CNTNAP5: variants seen among roughly 807,000 people sequenced by gnomAD.
CNTNAP5 encodes contactin-associated protein-like 5.
Under a neutral mutation model 150.2 loss-of-function variants are expected in CNTNAP5, and 72 were observed. That is an observed-to-expected ratio of 0.48 (90% CI 0.40 to 0.58). CNTNAP5 has a LOEUF of 0.58. Ranked by LOEUF, CNTNAP5 falls within the 20% of genes least tolerant of loss-of-function variation. The probability of loss-of-function intolerance (pLI) is 0.00; values close to 1 mark genes in which losing one functional copy is unlikely to be tolerated. For synonymous variants in CNTNAP5, 672 were observed against 619.8 expected, an observed-to-expected ratio of 1.08 and a Z score of -1.25; for missense variants, 1,636 against 1,626.2, an observed-to-expected ratio of 1.01 and a Z score of -0.10.
At chr2:124,733,265 G>T (rs1351466182) in intron 13 of CNTNAP5, among the ~76,000 whole-genome samples, 1 of 151,964 alleles carries the variant, frequency 6.6e-6, no homozygotes, top group Non-Finnish European at 1.5e-5. Flanking sequence ...TAAAGAAATT[G>T]CAATTTGTTA....
At chr2:124,706,837 G>GA (rs1558743105) in intron 13 of CNTNAP5, among the ~76,000 whole-genome samples, 5 of 7,404 alleles carry the variant, frequency 6.8e-4, no homozygotes, top group Non-Finnish European at 1.5e-3. Context: ...AGAGGAGGAG[G>GA]GGGAGGAAGG....
intron 8 of CNTNAP5, among the ~76,000 whole-genome samples, chr2:124,512,623 G>A (rs1694618303): frequency 6.6e-6 from 1 of 152,142 alleles, no homozygotes; most frequent in South Asian, 2.1e-4. Flanking sequence ...CTAGGAGCAA[G>A]CAATAGTGTT....
chr2:124,490,256 C>A (rs1693986943), intron 7 of CNTNAP5, among the ~76,000 whole-genome samples: 1 of 151,394 alleles, frequency 6.6e-6, no homozygotes, highest in East Asian at 2.0e-4. Flanking sequence ...ATTGCTTGAA[C>A]CAGGGAGGTG....
At chr2:124,257,913 A>G (rs1463765319) in intron 3 of CNTNAP5, among the ~76,000 whole-genome samples, 1 of 152,068 alleles carries the variant, frequency 6.6e-6, no homozygotes, top group East Asian at 1.9e-4. Flanking sequence ...CAGTGATAAA[A>G]CCGAAATGTT....
chr2:124,184,696 C>A (rs1273984912), intron 1 of CNTNAP5, among the ~76,000 whole-genome samples: 3 of 152,144 alleles, frequency 2.0e-5, no homozygotes, highest in Non-Finnish European at 2.9e-5. Flanking sequence ...TGCTAAAGTG[C>A]AGGATGTGGA....
At chr2:124,911,670 GC>G in intron 23 of CNTNAP5, 132 bp downstream of exon 23, 1 of 710,610 alleles carries the variant, frequency 1.4e-6, no homozygotes, top group Non-Finnish European at 2.5e-6. Context: ...AAGACTGTGG[GC>G]TTTTCATGAG....
chr2:124,071,933 G>T (rs2104665221), intron 1 of CNTNAP5, among the ~76,000 whole-genome samples: 1 of 151,938 alleles, frequency 6.6e-6, no homozygotes, highest in South Asian at 2.1e-4. Flanking sequence ...CATCAAAAAA[G>T]AAAACTACAG....
chr2:124,257,201 G>A (rs1281815916), intron 3 of CNTNAP5, among the ~76,000 whole-genome samples: 1 of 152,168 alleles, frequency 6.6e-6, no homozygotes, highest in Non-Finnish European at 1.5e-5. Context: ...ATTTTCTTTT[G>A]CAAATCCCCC....
At chr2:124,530,404 G>T (rs1323275175) in intron 10 of CNTNAP5, among the ~76,000 whole-genome samples, 1 of 152,174 alleles carries the variant, frequency 6.6e-6, no homozygotes, top group Admixed American at 6.5e-5. Context: ...TCCCTCCGGT[G>T]GAGGTCCTTT....
intron 11 of CNTNAP5, among the ~76,000 whole-genome samples, chr2:124,594,864 G>A (rs1375196979): frequency 9.8e-6 from 1 of 102,102 alleles, no homozygotes; most frequent in Non-Finnish European, 2.0e-5. Context: ...TCCCTTGTAA[G>A]TTGGATTCCT....
intron 1 of CNTNAP5, among the ~76,000 whole-genome samples, chr2:124,072,962 AC>A (rs1326009864): frequency 6.6e-6 from 1 of 152,124 alleles, no homozygotes; most frequent in African/African-American, 2.4e-5. Context: ...AAATAATACT[AC>A]AGAACTATAG....
At chr2:124,276,706 T>C (rs546386289) in intron 3 of CNTNAP5, among the ~76,000 whole-genome samples, 106 of 152,292 alleles carry the variant, frequency 7.0e-4, no homozygotes, top group African/African-American at 2.3e-3. Context: ...TATCATTCTC[T>C]GGGCTGGTCA....
At chr2:124,649,481 C>T (rs749692411) in intron 13 of CNTNAP5, among the ~76,000 whole-genome samples, 6 of 152,124 alleles carry the variant, frequency 3.9e-5, no homozygotes, top group African/African-American at 7.2e-5. Flanking sequence ...GGACTAATGG[C>T]GGGGCATGTT....
At chr2:124,155,925 C>T (rs902412934) in intron 1 of CNTNAP5, among the ~76,000 whole-genome samples, 23 of 152,244 alleles carry the variant, frequency 1.5e-4, no homozygotes, top group Non-Finnish European at 2.5e-4. Context: ...AGTTGAGCCT[C>T]TTCTGGACAA....
intron 10 of CNTNAP5, among the ~76,000 whole-genome samples, chr2:124,533,252 A>G (rs895972290): frequency 3.3e-5 from 5 of 152,070 alleles, no homozygotes; most frequent in Admixed American, 2.6e-4. Context: ...CCATGCATGC[A>G]TGGAGATCCT....
At chr2:124,249,276 G>A (rs115359373) in intron 3 of CNTNAP5, among the ~76,000 whole-genome samples, 2,248 of 152,224 alleles carry the variant, frequency 0.015, 71 homozygotes, top group African/African-American at 0.052. Context: ...TTACTCTGCC[G>A]TCTCTTGTGG....
chr2:124,701,239 A>AT (rs1049068605), intron 13 of CNTNAP5, among the ~76,000 whole-genome samples: 6 of 151,966 alleles, frequency 3.9e-5, no homozygotes, highest in Admixed American at 1.3e-4. Flanking sequence ...TTGAATTATT[A>AT]TTTTTTAGGA....
Position 124,880,397 on chromosome 2 carries a change from T to C in CNTNAP5, c.3436+10635T>C, listed in dbSNP as rs372894904. 1.1e-4 allele frequency among the ~76,000 whole-genome samples: 17 copies of C among 152,266 alleles called. No individual in the cohort carries two copies. The East Asian group carries it at 2.7e-3, about 24-fold the overall frequency. On this transcript the variant is annotated intron_variant, in intron 21 of 23. Coordinates refer to ENST00000682447, the MANE Select transcript of CNTNAP5 (RefSeq NM_001367498.1). The stretch of plus-strand genomic sequence containing the variant: ...GTAAATCATTCTACCTAGGAAATTC[T>C]AGTTTTAGTTAATTCCCTTAAAATC...
At chr2:124,093,708 C>T (rs57677317) in intron 1 of CNTNAP5, among the ~76,000 whole-genome samples, 4 of 152,202 alleles carry the variant, frequency 2.6e-5, no homozygotes, top group Non-Finnish European at 4.4e-5. Context: ...TTCACTCTCT[C>T]TAATCTTCAT....
Sources: gnomAD v4.1 joint callset for allele counts (sites outside exome capture counted in the v4.1 genomes callset) on GRCh38, gnomAD v4.1.1 for gene constraint, MANE v1.5 for transcripts, NCBI Gene and HGNC (gene_info 2026-07-23, HGNC 2026-07-21) for gene names.